Variants in CSMD1 observed in about 807,000 individuals in gnomAD.
CSMD1 encodes CUB and sushi domain-containing protein 1.
CSMD1 carries 213 observed loss-of-function variants against 417.5 expected under a neutral mutation model. That is an observed-to-expected ratio of 0.51 (90% CI 0.46 to 0.57). CSMD1 has a LOEUF of 0.57. CSMD1 is among the 20% of genes least tolerant of loss of function. The pLI, the probability that CSMD1 is intolerant of heterozygous loss-of-function variation, is 0.00. For missense variants in CSMD1, 6,923 were observed against 4,529.7 expected, an observed-to-expected ratio of 1.53 and a Z score of -15.17; for synonymous variants, 2,862 against 1,736.8, an observed-to-expected ratio of 1.65 and a Z score of -16.11.
intron 1 of CSMD1, chr8:4,788,158 A>C: frequency 6.3e-7 from 1 of 1,599,330 alleles, no homozygotes; most frequent in East Asian, 2.2e-5. Flanking sequence ...CACTGTGAAA[A>C]AATCAAGAAG....
chr8:3,213,828 G>C (rs1184117989), intron 30 of CSMD1, among the ~76,000 whole-genome samples: 1 of 146,592 alleles, frequency 6.8e-6, no homozygotes, highest in Non-Finnish European at 1.5e-5. Context: ...ATGTGTGTCT[G>C]TGTATGTGTG....
At chr8:4,678,655 G>C (rs527406437) in intron 1 of CSMD1, among the ~76,000 whole-genome samples, 12 of 152,054 alleles carry the variant, frequency 7.9e-5, no homozygotes, top group Non-Finnish European at 1.8e-4. Context: ...TTATTTATCA[G>C]GGAAATGGAT....
chr8:4,534,787 G>A (rs1487021190), intron 2 of CSMD1, among the ~76,000 whole-genome samples: 4 of 152,022 alleles, frequency 2.6e-5, no homozygotes, highest in Non-Finnish European at 5.9e-5. Flanking sequence ...TTTTGAGGTG[G>A]AGTCTTGCTC....
intron 7 of CSMD1, among the ~76,000 whole-genome samples, chr8:3,656,834 T>C (rs1421895075): frequency 6.6e-6 from 1 of 151,544 alleles, no homozygotes; most frequent in African/African-American, 2.4e-5. Context: ...CTGAGGCAGA[T>C]GAATAGCTTG....
intron 4 of CSMD1, among the ~76,000 whole-genome samples, chr8:4,003,356 G>A (rs989624441): frequency 2.6e-5 from 4 of 152,018 alleles, no homozygotes; most frequent in South Asian, 2.1e-4. Context: ...TTGCCCTACT[G>A]CACTCCAGCC....
chr8:4,595,389 T>TTTTTTTTTTTTTTC (rs1554520259), intron 2 of CSMD1, among the ~76,000 whole-genome samples: 1 of 151,590 alleles, frequency 6.6e-6, no homozygotes, highest in Admixed American at 6.6e-5. Context: ...TTCATTTTCA[T>TTTTTTTTTTTTTTC]TCCATCCATC....
intron 1 of CSMD1, among the ~76,000 whole-genome samples, chr8:4,680,504 G>A (rs1019631129): frequency 1.2e-4 from 18 of 152,280 alleles, no homozygotes; most frequent in African/African-American, 3.9e-4. Flanking sequence ...AAATTATAGA[G>A]AGGGAGGAAG....
intron 3 of CSMD1, among the ~76,000 whole-genome samples, chr8:4,095,047 T>C (rs749506962): frequency 2.0e-5 from 3 of 152,160 alleles, no homozygotes; most frequent in Admixed American, 6.5e-5. Context: ...GTCATGTAAG[T>C]AGTTGAGCTT....
chr8:3,641,123 C>A (rs1283073291), intron 7 of CSMD1, among the ~76,000 whole-genome samples: 1 of 140,114 alleles, frequency 7.1e-6, no homozygotes, highest in Non-Finnish European at 1.5e-5. Flanking sequence ...GAAGTTATTG[C>A]AGAAGGTGCT....
chr8:4,521,859 T>G (rs1203909026), intron 2 of CSMD1, among the ~76,000 whole-genome samples: 1 of 152,176 alleles, frequency 6.6e-6, no homozygotes, highest in African/African-American at 2.4e-5. Context: ...AACTCAGCGC[T>G]TTAGCTCCTG....
intron 3 of CSMD1, among the ~76,000 whole-genome samples, chr8:4,214,851 C>T (rs183575659): frequency 7.8e-4 from 119 of 152,080 alleles, no homozygotes; most frequent in African/African-American, 2.7e-3. Flanking sequence ...ACTATGACCA[C>T]CAGGTTTAGA....
At chr8:3,994,734 T>C (rs1171337424) in intron 5 of CSMD1, among the ~76,000 whole-genome samples, 3 of 152,182 alleles carry the variant, frequency 2.0e-5, no homozygotes, top group Non-Finnish European at 2.9e-5. Context: ...TCATCCCCTA[T>C]ATTTAGACTG....
chr8:4,234,120 A>C (rs1801905821), intron 3 of CSMD1, among the ~76,000 whole-genome samples: 1 of 152,202 alleles, frequency 6.6e-6, no homozygotes, highest in Non-Finnish European at 1.5e-5. Flanking sequence ...TACAGGAGTT[A>C]AATGAAATGG....
At chr8:3,048,965 C>T (rs1234162999) in intron 50 of CSMD1, among the ~76,000 whole-genome samples, 1 of 151,158 alleles carries the variant, frequency 6.6e-6, no homozygotes, top group African/African-American at 2.4e-5. Context: ...CAGATGGCAA[C>T]TGAGCATATG....
intron 5 of CSMD1, among the ~76,000 whole-genome samples, chr8:3,897,259 T>C (rs776270648): frequency 5.9e-5 from 9 of 152,186 alleles, no homozygotes; most frequent in Non-Finnish European, 1.0e-4. Context: ...ACAACGGTCA[T>C]AGTGTGACTA....
chr8:3,282,345 T>G (rs1802804398), intron 26 of CSMD1, among the ~76,000 whole-genome samples: 1 of 151,962 alleles, frequency 6.6e-6, no homozygotes, highest in African/African-American at 2.4e-5. Flanking sequence ...TACTCAATCT[T>G]ACTGCCAGTG....
At chr8:2,959,129 G>A (rs1335239782) in intron 62 of CSMD1, among the ~76,000 whole-genome samples, 2 of 152,036 alleles carry the variant, frequency 1.3e-5, no homozygotes, top group African/African-American at 2.4e-5. Context: ...TTAGAGTCAG[G>A]GCCTCTCTCT....
At chr8:3,440,653 A>G (rs1814915726) in intron 12 of CSMD1, among the ~76,000 whole-genome samples, 2 of 152,090 alleles carry the variant, frequency 1.3e-5, no homozygotes, top group Non-Finnish European at 2.9e-5. Flanking sequence ...TATCCTTGCA[A>G]TTTTGAATGG....
intron 1 of CSMD1, among the ~76,000 whole-genome samples, chr8:4,655,035 C>CAAAA: frequency 7.0e-6 from 1 of 143,714 alleles, no homozygotes; most frequent in Non-Finnish European, 1.5e-5. Context: ...GATGTACCTC[C>CAAAA]AAAAAAAAAA....
Sources: allele counts gnomAD v4.1 joint callset (sites outside exome capture counted in the v4.1 genomes callset), GRCh38; gene constraint gnomAD v4.1.1; transcripts MANE v1.5; gene names NCBI Gene and HGNC (gene_info 2026-07-23, HGNC 2026-07-21).